Variants in ASIC2 observed in about 807,000 individuals in gnomAD.
The protein encoded by ASIC2 is acid-sensing ion channel 2.
Under a neutral mutation model 57.3 loss-of-function variants are expected in ASIC2, and 25 were observed. The ratio of observed to expected loss-of-function variants is 0.44; its 90% CI spans 0.32 to 0.61. ASIC2 has a LOEUF of 0.61. Ranked by LOEUF, ASIC2 falls within the 20% of genes least tolerant of loss-of-function variation. The pLI, the probability that ASIC2 is intolerant of heterozygous loss-of-function variation, is 0.06. For synonymous variants in ASIC2, 319 were observed against 307.5 expected (o/e 1.04, Z -0.39); for missense variants, 641 against 738.1 (o/e 0.87, Z 1.52).
chr17:33,074,351 C>T lies in ASIC2; in HGVS notation c.987+14512G>A, dbSNP rs560496237. Among the ~76,000 whole-genome samples the T allele has an allele frequency of 6.6e-4, 100 of 152,266 alleles. 1 individual carries two copies. The highest frequency in any genetic ancestry group is 2.4e-3 in the African/African-American group (99 of 41,556). On this transcript the variant is annotated intron_variant, in intron 3 of 9. Transcript: ENST00000225823. ...ACCCTCCCTTCTGTGTTGGCCCTGC[C>T]CCTTGTCATACCCTCTCCATGCCTT...
intron 1 of ASIC2, among the ~76,000 whole-genome samples, chr17:33,506,230 T>C (rs1041939744): frequency 1.3e-5 from 1 of 75,838 alleles, no homozygotes. Flanking sequence ...CCATCTCTAC[T>C]AAAAATACAA....
chr17:33,523,041 T>C (rs1231343535), intron 1 of ASIC2, among the ~76,000 whole-genome samples: 1 of 152,126 alleles, frequency 6.6e-6, no homozygotes, highest in African/African-American at 2.4e-5. Context: ...AGGACACCCA[T>C]CTTCTGAGCT....
chr17:33,237,996 T>TA, intron 1 of ASIC2, among the ~76,000 whole-genome samples: 1 of 152,184 alleles, frequency 6.6e-6, no homozygotes, highest in Non-Finnish European at 1.5e-5. Flanking sequence ...GAGCTATTGT[T>TA]AACTCATTTT....
chr17:33,873,421 A>C (rs1447402684), intron 1 of ASIC2, among the ~76,000 whole-genome samples: 1 of 152,180 alleles, frequency 6.6e-6, no homozygotes, highest in Non-Finnish European at 1.5e-5. Context: ...GAGTCAGGAC[A>C]AAGGCCAAGA....
intron 1 of ASIC2, among the ~76,000 whole-genome samples, chr17:33,737,416 T>C (rs1403366007): frequency 6.6e-6 from 1 of 152,270 alleles, no homozygotes; most frequent in East Asian, 1.9e-4. Flanking sequence ...TAGGACCTCC[T>C]GTCTCTTTCC....
At chr17:33,019,481 G>T (rs2091825207) in intron 7 of ASIC2, among the ~76,000 whole-genome samples, 4 of 152,038 alleles carry the variant, frequency 2.6e-5, no homozygotes, top group African/African-American at 9.7e-5. Flanking sequence ...CACCGTGGGT[G>T]CATGAACCTG....
chr17:33,140,428 A>G (rs1207629816), intron 1 of ASIC2, among the ~76,000 whole-genome samples: 1 of 152,218 alleles, frequency 6.6e-6, no homozygotes, highest in Non-Finnish European at 1.5e-5. Flanking sequence ...CTGATTATCC[A>G]TGTGACTTTG....
intron 1 of ASIC2, among the ~76,000 whole-genome samples, chr17:33,952,934 G>A (rs1346399561): frequency 6.6e-6 from 1 of 152,078 alleles, no homozygotes; most frequent in Non-Finnish European, 1.5e-5. Flanking sequence ...AAGGTTGGAA[G>A]AAAATAACCC....
At chr17:33,395,424 G>A (rs141028476) in intron 1 of ASIC2, among the ~76,000 whole-genome samples, 1 of 152,154 alleles carries the variant, frequency 6.6e-6, no homozygotes, top group Non-Finnish European at 1.5e-5. Context: ...TCTTGTGCAG[G>A]AAAACTCCCC....
intron 1 of ASIC2, among the ~76,000 whole-genome samples, chr17:33,770,462 T>G (rs763571187): frequency 4.6e-5 from 7 of 152,196 alleles, no homozygotes; most frequent in Non-Finnish European, 1.0e-4. Flanking sequence ...TTCTTGTTGT[T>G]GTTTTTGCCA....
At chr17:34,144,327 C>A (rs1912357351) in intron 1 of ASIC2, among the ~76,000 whole-genome samples, 1 of 152,290 alleles carries the variant, frequency 6.6e-6, no homozygotes, top group Non-Finnish European at 1.5e-5. Context: ...TGTGACAAGA[C>A]CTGCATGTCT....
At chr17:33,752,409 G>A (rs936618923) in intron 1 of ASIC2, among the ~76,000 whole-genome samples, 4 of 151,892 alleles carry the variant, frequency 2.6e-5, no homozygotes, top group African/African-American at 9.7e-5. Flanking sequence ...GGGGTGGTTA[G>A]AAGAATGAAA....
intron 1 of ASIC2, among the ~76,000 whole-genome samples, chr17:34,033,004 C>G (rs1907688074): frequency 6.6e-6 from 1 of 152,160 alleles, no homozygotes; most frequent in African/African-American, 2.4e-5. Context: ...CAGCTCTGCA[C>G]CAAGCGGACC....
intron 1 of ASIC2, among the ~76,000 whole-genome samples, chr17:33,912,812 T>G (rs1915497200): frequency 6.6e-6 from 1 of 152,002 alleles, no homozygotes; most frequent in African/African-American, 2.4e-5. Flanking sequence ...AAACCCCGTC[T>G]CTACTAAAAA....
intron 1 of ASIC2, among the ~76,000 whole-genome samples, chr17:34,010,613 G>A (rs928210985): frequency 4.6e-5 from 7 of 151,710 alleles, no homozygotes; most frequent in African/African-American, 7.3e-5. Context: ...ACACAGATAC[G>A]CACAAACATA....
At chr17:33,944,714 T>G (rs1036558013) in intron 1 of ASIC2, among the ~76,000 whole-genome samples, 2 of 152,026 alleles carry the variant, frequency 1.3e-5, no homozygotes, top group African/African-American at 4.8e-5. Flanking sequence ...GTACTGAGAA[T>G]GAGATGAGCT....
intron 1 of ASIC2, among the ~76,000 whole-genome samples, chr17:34,044,211 C>T (rs544733517): frequency 3.9e-5 from 6 of 152,030 alleles, no homozygotes; most frequent in Non-Finnish European, 7.4e-5. Flanking sequence ...GCTGTGTTGC[C>T]AGAGGATGCC....
At chr17:33,293,740 C>G (rs1395995998), upstream of ASIC2, among the ~76,000 whole-genome samples, 7 of 152,056 alleles carry the variant, frequency 4.6e-5, no homozygotes, top group Non-Finnish European at 8.8e-5. Context: ...GTGAGCATGT[C>G]TGCGGGTGGC....
intron 1 of ASIC2, among the ~76,000 whole-genome samples, chr17:33,815,411 C>G (rs1912546736): frequency 6.6e-6 from 1 of 152,198 alleles, no homozygotes; most frequent in South Asian, 2.1e-4. Flanking sequence ...TCATGAAAAC[C>G]CTGGGCTGTG....
Sources: gnomAD v4.1 joint callset for allele counts (sites outside exome capture counted in the v4.1 genomes callset) on GRCh38, gnomAD v4.1.1 for gene constraint, MANE v1.5 for transcripts, NCBI Gene and HGNC (gene_info 2026-07-23, HGNC 2026-07-21) for gene names.